ARB2A: variants seen among roughly 807,000 people sequenced by gnomAD.
ARB2A encodes the protein ARB2 cotranscriptional regulator A.
chr5:93,969,025 TTTTTTTTTTTTTGCCAGTAAAC>T, the ARB2A span, among the ~76,000 whole-genome samples: 2 of 149,834 alleles, frequency 1.3e-5, no homozygotes, highest in African/African-American at 4.9e-5. Context: ...TTTCTTTTTT[TTTTTTTTTTTTTGCCAGTAAAC>T]TTGCCTCACA....
the ARB2A span, among the ~76,000 whole-genome samples, chr5:93,885,387 T>A: frequency 6.6e-6 from 1 of 151,640 alleles, no homozygotes. Context: ...ATTCCTTAAG[T>A]ATGCTACATT....
chr5:93,886,454 C>G, the ARB2A span, among the ~76,000 whole-genome samples: 1 of 151,666 alleles, frequency 6.6e-6, no homozygotes, highest in East Asian at 1.9e-4. Context: ...TGCTCATCCT[C>G]AAGGGAATTG....
At chr5:93,697,666 A>C in the ARB2A span, among the ~76,000 whole-genome samples, 1 of 152,170 alleles carries the variant, frequency 6.6e-6, no homozygotes, top group Non-Finnish European at 1.5e-5. Flanking sequence ...TTAATTTATA[A>C]ATCACATTGT....
At chr5:93,850,089 G>A in the ARB2A span, among the ~76,000 whole-genome samples, 2 of 152,038 alleles carry the variant, frequency 1.3e-5, no homozygotes, top group African/African-American at 2.4e-5. Context: ...TATAGCTAAT[G>A]GAGTTTAACT....
the ARB2A span, among the ~76,000 whole-genome samples, chr5:93,729,613 G>A: frequency 6.6e-6 from 1 of 152,074 alleles, no homozygotes; most frequent in African/African-American, 2.4e-5. Context: ...ATATGTGTAT[G>A]TACGTTTTTA....
At chr5:93,883,103 C>T in the ARB2A span, among the ~76,000 whole-genome samples, 1 of 151,402 alleles carries the variant, frequency 6.6e-6, no homozygotes, top group African/African-American at 2.4e-5. Flanking sequence ...TACTTACAAA[C>T]TTCTTTGGAA....
chr5:94,027,057 C>G, the ARB2A span, among the ~76,000 whole-genome samples: 1 of 152,160 alleles, frequency 6.6e-6, no homozygotes, highest in Non-Finnish European at 1.5e-5. Context: ...ACTCCTGGGT[C>G]AAAGGACTTT....
chr5:93,897,591 T>C, the ARB2A span, among the ~76,000 whole-genome samples: 3 of 151,906 alleles, frequency 2.0e-5, no homozygotes, highest in Non-Finnish European at 4.4e-5. Flanking sequence ...TGAAAATCCA[T>C]TGTAAGGATG....
At chr5:93,868,515 A>T in the ARB2A span, among the ~76,000 whole-genome samples, 1 of 152,230 alleles carries the variant, frequency 6.6e-6, no homozygotes, top group Non-Finnish European at 1.5e-5. Context: ...GAAGAGCAAT[A>T]TGCTGATTGG....
chr5:93,904,560 TA>T, the ARB2A span, among the ~76,000 whole-genome samples: 1 of 151,828 alleles, frequency 6.6e-6, no homozygotes, highest in African/African-American at 2.4e-5. Flanking sequence ...ATGATGATCT[TA>T]CATTTTACTC....
the ARB2A span, among the ~76,000 whole-genome samples, chr5:93,723,772 C>T: frequency 3.3e-5 from 5 of 151,956 alleles, no homozygotes; most frequent in Admixed American, 1.3e-4. Context: ...ATTTCTATCA[C>T]GACCTTTTAG....
chr5:93,865,730 C>T, the ARB2A span: 4 of 985,252 alleles, frequency 4.1e-6, no homozygotes, highest in Admixed American at 1.2e-4. Flanking sequence ...CAAACCTGTT[C>T]TCAGTCTGCT....
the ARB2A span, among the ~76,000 whole-genome samples, chr5:93,632,715 C>T: frequency 4.6e-5 from 7 of 152,120 alleles, no homozygotes; most frequent in African/African-American, 1.4e-4. Flanking sequence ...CTGGGACTCT[C>T]CTTTACACGG....
chr5:93,746,835 T>C, the ARB2A span, among the ~76,000 whole-genome samples: 1 of 152,102 alleles, frequency 6.6e-6, no homozygotes, highest in Admixed American at 6.5e-5. Context: ...TTGAGCTGAG[T>C]GGGGCTGAGT....
At chr5:93,931,578 T>C in the ARB2A span, among the ~76,000 whole-genome samples, 4 of 152,208 alleles carry the variant, frequency 2.6e-5, no homozygotes, top group African/African-American at 9.6e-5. Context: ...CTAATTGCCA[T>C]GTTCCCAAAT....
chr5:93,832,799 C>T, the ARB2A span, among the ~76,000 whole-genome samples: 1 of 152,146 alleles, frequency 6.6e-6, no homozygotes, highest in Non-Finnish European at 1.5e-5. Flanking sequence ...CAAGAGGACT[C>T]CTCAACAATC....
At chr5:93,979,082 C>T in the ARB2A span, among the ~76,000 whole-genome samples, 1 of 152,098 alleles carries the variant, frequency 6.6e-6, no homozygotes, top group Non-Finnish European at 1.5e-5. Context: ...CATCATTACA[C>T]ATTCTATGCA....
the ARB2A span, among the ~76,000 whole-genome samples, chr5:93,839,112 C>T: frequency 1.6e-4 from 25 of 152,156 alleles, no homozygotes; most frequent in African/African-American, 4.8e-4. Context: ...ATCCCTGTCA[C>T]GTTCCAGTTT....
the ARB2A span, among the ~76,000 whole-genome samples, chr5:93,919,035 C>T: frequency 6.6e-6 from 1 of 152,146 alleles, no homozygotes; most frequent in Non-Finnish European, 1.5e-5. Flanking sequence ...AATTTAATCT[C>T]AGTGTTTGGT....
Sources: allele counts gnomAD v4.1 joint callset (sites outside exome capture counted in the v4.1 genomes callset), GRCh38; gene constraint gnomAD v4.1.1; transcripts MANE v1.5; gene names NCBI Gene and HGNC (gene_info 2026-07-23, HGNC 2026-07-21).